CNTNAP5: variants seen among roughly 807,000 people sequenced by gnomAD.
CNTNAP5 encodes the protein contactin-associated protein-like 5.
CNTNAP5 carries 72 observed loss-of-function variants against 150.2 expected under a neutral mutation model. That is an observed-to-expected ratio of 0.48 (90% CI 0.40 to 0.58). The LOEUF (loss-of-function observed/expected upper bound fraction) is 0.58. CNTNAP5 is among the 20% of genes least tolerant of loss of function. The pLI, the probability that CNTNAP5 is intolerant of heterozygous loss-of-function variation, is 0.00. For synonymous variants in CNTNAP5, 672 were observed against 619.8 expected (o/e 1.08, Z -1.25); for missense variants, 1,636 against 1,626.2 (o/e 1.01, Z -0.10).
chr2:124,773,104 AGATCTGG>A (rs1681242427), intron 17 of CNTNAP5, 87 bp downstream of exon 17: 1 of 957,936 alleles, frequency 1.0e-6, no homozygotes, highest in Non-Finnish European at 1.7e-6. Context: ...CTTTTATCTG[AGATCTGG>A]GATATGATCA....
chr2:124,443,813 CGTGTGTGTGT>C (rs3034804), intron 5 of CNTNAP5, among the ~76,000 whole-genome samples: 27 of 143,818 alleles, frequency 1.9e-4, no homozygotes, highest in East Asian at 6.2e-4. Flanking sequence ...AATTCCTTGC[CGTGTGTGTGT>C]GTGTGTGTGT....
intron 1 of CNTNAP5, among the ~76,000 whole-genome samples, chr2:124,088,630 T>C (rs1573745241): frequency 6.6e-6 from 1 of 152,134 alleles, no homozygotes; most frequent in East Asian, 1.9e-4. Flanking sequence ...AAATTCATAA[T>C]TGCCTTGTGT....
chr2:124,038,369 A>G (rs2104628629), intron 1 of CNTNAP5, among the ~76,000 whole-genome samples: 1 of 152,214 alleles, frequency 6.6e-6, no homozygotes, highest in Non-Finnish European at 1.5e-5. Context: ...CTTCTATTTC[A>G]GCTATTGTCT....
intron 14 of CNTNAP5, among the ~76,000 whole-genome samples, chr2:124,754,091 A>G (rs1680787518): frequency 6.6e-6 from 1 of 151,952 alleles, no homozygotes; most frequent in Non-Finnish European, 1.5e-5. Flanking sequence ...TCATTATTTG[A>G]TCTTTCAGAA....
At chr2:124,097,375 A>T (rs1210976794) in intron 1 of CNTNAP5, among the ~76,000 whole-genome samples, 1 of 152,188 alleles carries the variant, frequency 6.6e-6, no homozygotes, top group Non-Finnish European at 1.5e-5. Context: ...CGTCCTCTCA[A>T]CCTCTATACA....
chr2:124,462,253 C>G (rs903737726), intron 6 of CNTNAP5, among the ~76,000 whole-genome samples: 1 of 152,118 alleles, frequency 6.6e-6, no homozygotes, highest in Admixed American at 6.6e-5. Context: ...TCTGGAGATA[C>G]AAGCACAGAC....
At chr2:124,522,874 T>C (rs947888206) in intron 8 of CNTNAP5, among the ~76,000 whole-genome samples, 19 of 152,206 alleles carry the variant, frequency 1.2e-4, no homozygotes, top group Non-Finnish European at 2.8e-4. Context: ...TGTCATCCAC[T>C]TCAATGAAAC....
chr2:124,400,669 G>GTTTT (rs760418441), intron 3 of CNTNAP5, among the ~76,000 whole-genome samples: 1,640 of 84,334 alleles, frequency 0.019, 69 homozygotes, highest in East Asian at 0.053. Context: ...TAAAGGCATT[G>GTTTT]TTTTTTTTTT....
chr2:124,449,804 G>A (rs1388986300), intron 6 of CNTNAP5, among the ~76,000 whole-genome samples: 4 of 152,102 alleles, frequency 2.6e-5, no homozygotes, highest in East Asian at 3.9e-4. Flanking sequence ...TAATAGCGGC[G>A]TTTGACATTA....
intron 3 of CNTNAP5, among the ~76,000 whole-genome samples, chr2:124,369,692 C>T (rs1445189009): frequency 6.6e-6 from 1 of 152,090 alleles, no homozygotes; most frequent in Non-Finnish European, 1.5e-5. Context: ...TAAGAGCTTG[C>T]TACGGTGTTC....
chr2:124,365,186 T>G (rs1352102623), intron 3 of CNTNAP5, among the ~76,000 whole-genome samples: 1 of 152,012 alleles, frequency 6.6e-6, no homozygotes, highest in East Asian at 1.9e-4. Context: ...CATGGTGATG[T>G]GCAATTGTGG....
At chr2:124,719,268 A>G (rs1302958103) in intron 13 of CNTNAP5, among the ~76,000 whole-genome samples, 2 of 152,144 alleles carry the variant, frequency 1.3e-5, no homozygotes, top group Admixed American at 1.3e-4. Flanking sequence ...ACCTCCTACA[A>G]CGACCAGCAA....
chr2:124,349,881 T>C (rs1302609021), intron 3 of CNTNAP5, among the ~76,000 whole-genome samples: 3 of 58,792 alleles, frequency 5.1e-5, no homozygotes, highest in East Asian at 7.9e-4. Flanking sequence ...TTTCTTTTTT[T>C]TTTTTTTTTT....
intron 3 of CNTNAP5, among the ~76,000 whole-genome samples, chr2:124,265,985 G>T (rs1423333619): frequency 2.0e-5 from 3 of 152,114 alleles, no homozygotes; most frequent in Non-Finnish European, 4.4e-5. Flanking sequence ...CATAACCAAA[G>T]CTTATGAATT....
intron 10 of CNTNAP5, among the ~76,000 whole-genome samples, chr2:124,537,384 A>G (rs966802808): frequency 2.0e-5 from 3 of 152,174 alleles, no homozygotes; most frequent in African/African-American, 7.2e-5. Flanking sequence ...AGGGCTGTGG[A>G]ACACCTCGGT....
chr2:124,440,046 C>T (rs1692635798), intron 5 of CNTNAP5, among the ~76,000 whole-genome samples: 1 of 152,128 alleles, frequency 6.6e-6, no homozygotes, highest in South Asian at 2.1e-4. Context: ...GCTTTGGAGT[C>T]AAATAGAGTT....
intron 8 of CNTNAP5, among the ~76,000 whole-genome samples, chr2:124,516,020 A>AG (rs1694707831): frequency 6.6e-6 from 1 of 152,134 alleles, no homozygotes; most frequent in South Asian, 2.1e-4. Context: ...CTGGGAAAAG[A>AG]GGGGGACCAC....
At chr2:124,830,020 T>C (rs1361790761) in intron 19 of CNTNAP5, among the ~76,000 whole-genome samples, 1 of 151,576 alleles carries the variant, frequency 6.6e-6, no homozygotes, top group Non-Finnish European at 1.5e-5. Flanking sequence ...TGATACCATA[T>C]TAGATTTCTA....
At chr2:124,528,772 C>T (rs865969319) in intron 10 of CNTNAP5, among the ~76,000 whole-genome samples, 35 of 151,956 alleles carry the variant, frequency 2.3e-4, no homozygotes, top group Non-Finnish European at 2.6e-4. Context: ...AGGAAGGTGG[C>T]TAGCTTTTCC....
Sources: gnomAD v4.1 joint callset for allele counts (sites outside exome capture counted in the v4.1 genomes callset) on GRCh38, gnomAD v4.1.1 for gene constraint, MANE v1.5 for transcripts, NCBI Gene and HGNC (gene_info 2026-07-23, HGNC 2026-07-21) for gene names.